Variants in LINGO2 observed in about 807,000 individuals in gnomAD.
LINGO2 encodes leucine rich repeat and Ig domain containing 2, also known as leucine-rich repeat and immunoglobulin-like domain-containing nogo receptor-interacting protein 2.
In LINGO2, 14 loss-of-function variants were observed where a neutral mutation model predicts 30.6. The ratio of observed to expected loss-of-function variants is 0.46; its 90% confidence interval spans 0.30 to 0.72. LINGO2 has a LOEUF of 0.72. LINGO2 is among the 30% of genes least tolerant of loss of function. LINGO2 has a pLI of 0.07. For synonymous variants in LINGO2, 317 were observed against 288.5 expected (o/e 1.10, Z -1.00); for missense variants, 729 against 751.7 (o/e 0.97, Z 0.35).
the LINGO2 span, among the ~76,000 whole-genome samples, chr9:29,038,871 G>A: frequency 1.3e-5 from 2 of 152,042 alleles, no homozygotes; most frequent in African/African-American, 2.4e-5. Context: ...CGCCTTAACC[G>A]AGCAAATGCT....
chr9:28,439,944 C>G (rs1386446861), intron 2 of LINGO2, among the ~76,000 whole-genome samples: 1 of 152,052 alleles, frequency 6.6e-6, no homozygotes, highest in Non-Finnish European at 1.5e-5. Flanking sequence ...AATCCTAAAT[C>G]CTGAATTGAG....
At chr9:28,715,678 T>C in the LINGO2 span, among the ~76,000 whole-genome samples, 56,315 of 151,914 alleles carry the variant, frequency 0.37, 11,739 homozygotes, top group African/African-American at 0.55. Context: ...TAAGAAGCTA[T>C]GCCACTGTTA....
the LINGO2 span, among the ~76,000 whole-genome samples, chr9:28,927,502 T>C: frequency 1.3e-5 from 2 of 152,170 alleles, no homozygotes; most frequent in African/African-American, 4.8e-5. Context: ...ATAATTGAGA[T>C]GGATGATTTA....
the LINGO2 span, among the ~76,000 whole-genome samples, chr9:29,014,067 T>C: frequency 1.3e-5 from 2 of 152,200 alleles, no homozygotes; most frequent in Non-Finnish European, 2.9e-5. Flanking sequence ...TCCATTCATT[T>C]TTTTTCTGTT....
At chr9:27,955,579 C>T (rs1489004338) in intron 5 of LINGO2, among the ~76,000 whole-genome samples, 1 of 152,016 alleles carries the variant, frequency 6.6e-6, no homozygotes, top group African/African-American at 2.4e-5. Flanking sequence ...ACTCTTATGT[C>T]CAGCATCTTT....
intron 4 of LINGO2, among the ~76,000 whole-genome samples, chr9:28,136,591 C>A (rs1035597855): frequency 6.6e-6 from 1 of 152,130 alleles, no homozygotes; most frequent in Non-Finnish European, 1.5e-5. Context: ...TAAACATGAC[C>A]TGGCTAGGGT....
At chr9:28,638,719 T>C (rs1827415766) in intron 1 of LINGO2, among the ~76,000 whole-genome samples, 1 of 152,148 alleles carries the variant, frequency 6.6e-6, no homozygotes. Context: ...TTTTCTTCTT[T>C]ATTAGTCTTG....
intron 4 of LINGO2, among the ~76,000 whole-genome samples, chr9:28,101,440 A>G (rs17698588): frequency 0.029 from 4,455 of 152,300 alleles, 132 homozygotes; most frequent in South Asian, 0.087. Flanking sequence ...CTTCAAGGCT[A>G]TTGCTAGGGG....
At chr9:28,865,219 G>C in the LINGO2 span, among the ~76,000 whole-genome samples, 7 of 152,062 alleles carry the variant, frequency 4.6e-5, no homozygotes, top group East Asian at 1.4e-3. Flanking sequence ...AGTTAGAGTA[G>C]GTGAACACAA....
At chr9:28,877,684 G>A in the LINGO2 span, among the ~76,000 whole-genome samples, 3 of 152,106 alleles carry the variant, frequency 2.0e-5, no homozygotes, top group South Asian at 2.1e-4. Context: ...GTCAGGTAGC[G>A]TGATGCCTCC....
intron 2 of LINGO2, among the ~76,000 whole-genome samples, chr9:28,380,415 A>C (rs544383545): frequency 2.7e-5 from 4 of 147,446 alleles, no homozygotes; most frequent in Admixed American, 1.4e-4. Context: ...CAATGGTAAG[A>C]GTCTTTAAAA....
the LINGO2 span, among the ~76,000 whole-genome samples, chr9:28,881,489 T>C: frequency 6.6e-6 from 1 of 152,142 alleles, no homozygotes; most frequent in Non-Finnish European, 1.5e-5. Context: ...AAGAAAGCAT[T>C]TTAATTTTCA....
intron 4 of LINGO2, among the ~76,000 whole-genome samples, chr9:28,070,745 T>C (rs1313186628): frequency 1.3e-5 from 2 of 152,144 alleles, no homozygotes; most frequent in Non-Finnish European, 2.9e-5. Context: ...GGGGTCTTGC[T>C]CTGTCACCCA....
At chr9:28,948,996 C>T in the LINGO2 span, among the ~76,000 whole-genome samples, 3 of 152,016 alleles carry the variant, frequency 2.0e-5, no homozygotes, top group Non-Finnish European at 4.4e-5. Flanking sequence ...TATCGGTTCA[C>T]TTCAGGTACA....
At chr9:28,080,964 G>T (rs1825757540) in intron 4 of LINGO2, 1 of 152,218 alleles carries the variant, frequency 6.6e-6, no homozygotes, top group Non-Finnish European at 1.5e-5. Context: ...AGTATCTGTG[G>T]CAGGAGAAGG....
intron 1 of LINGO2, among the ~76,000 whole-genome samples, chr9:28,589,978 C>T (rs1824788247): frequency 1.3e-5 from 2 of 152,082 alleles, no homozygotes; most frequent in Admixed American, 1.3e-4. Flanking sequence ...TGGAACAGAA[C>T]AGAGCCCTCA....
At chr9:28,210,573 AC>A (rs1195595258) in intron 4 of LINGO2, among the ~76,000 whole-genome samples, 1 of 151,662 alleles carries the variant, frequency 6.6e-6, no homozygotes, top group Non-Finnish European at 1.5e-5. Flanking sequence ...TTAAAAAGTT[AC>A]CATATTACTT....
At chr9:28,617,375 A>G (rs1826178177) in intron 1 of LINGO2, among the ~76,000 whole-genome samples, 1 of 151,088 alleles carries the variant, frequency 6.6e-6, no homozygotes. Context: ...GGATCACTGC[A>G]ACTTCCGCCT....
At chr9:29,107,773 T>C in the LINGO2 span, among the ~76,000 whole-genome samples, 3 of 152,076 alleles carry the variant, frequency 2.0e-5, no homozygotes, top group Admixed American at 2.0e-4. Flanking sequence ...GCACATCATA[T>C]AAATCTAAAT....
Sources: gnomAD v4.1 joint callset for allele counts (sites outside exome capture counted in the v4.1 genomes callset) on GRCh38, gnomAD v4.1.1 for gene constraint, MANE v1.5 for transcripts, NCBI Gene and HGNC (gene_info 2026-07-23, HGNC 2026-07-21) for gene names.